Variants in TSPAN13 observed in about 807,000 individuals in gnomAD.
TSPAN13 encodes the protein tetraspanin 13.
TSPAN13 carries 18 observed loss-of-function variants against 26.9 expected under a neutral mutation model. That is an observed-to-expected ratio of 0.67 (90% confidence interval 0.46 to 0.99). TSPAN13 has a LOEUF of 0.99. Ranked by LOEUF, TSPAN13 falls within the 50% of genes least tolerant of loss-of-function variation. The pLI is 0.00. For synonymous variants in TSPAN13, 116 were observed against 98.4 expected (o/e 1.18, Z -1.06); for missense variants, 201 against 249.6 (o/e 0.81, Z 1.31).
intron 1 of TSPAN13, chr7:16,775,720 T>G (rs747347): frequency 0.41 from 62,948 of 152,340 alleles, 13,499 homozygotes; most frequent in African/African-American, 0.51. Flanking sequence ...CGTGTTCCAG[T>G]AACAGAGATC....
At chr7:16,759,309 G>A (rs1291143063) in intron 1 of TSPAN13, among the ~76,000 whole-genome samples, 1 of 152,128 alleles carries the variant, frequency 6.6e-6, no homozygotes, top group East Asian at 1.9e-4. Context: ...ATCTACTTCT[G>A]GTGAGGGCCC....
intron 1 of TSPAN13, among the ~76,000 whole-genome samples, chr7:16,773,172 G>GT (rs1562519952): frequency 1.3e-5 from 2 of 150,848 alleles, no homozygotes; most frequent in African/African-American, 4.9e-5. Flanking sequence ...CTTGGGGGGG[G>GT]GCGGTTAGCA....
In TSPAN13 at chr7:16,764,004, A is replaced by G. The variant is rs377006208; in HGVS notation, c.63+9974A>G. Among the ~76,000 whole-genome samples, 4 of 152,052 alleles carry G rather than the reference A, an allele frequency of 2.6e-5. No individual in the cohort carries two copies. The East Asian group carries it at 7.7e-4, about 29-fold the overall frequency. On this transcript the variant is annotated intron_variant, in intron 1 of 5. Transcript: ENST00000262067. ...AGATTATAAAGAACATTATGCATAT[A>G]TCTTTCTTTGTTCTTTATTTTTATT...
chr7:16,764,777 T>A (rs1784587335), intron 1 of TSPAN13, among the ~76,000 whole-genome samples: 1 of 152,118 alleles, frequency 6.6e-6, no homozygotes, highest in Non-Finnish European at 1.5e-5. Flanking sequence ...TAAAAATTTC[T>A]TAATTATTTT....
chr7:16,775,564 A>C (rs938704826), intron 1 of TSPAN13, among the ~76,000 whole-genome samples: 2 of 152,220 alleles, frequency 1.3e-5, no homozygotes, highest in Non-Finnish European at 2.9e-5. Flanking sequence ...GCAGTTTTTG[A>C]GTATTCCCCA....
chr7:16,759,539 T>G (rs994580475), intron 1 of TSPAN13, among the ~76,000 whole-genome samples: 5 of 152,082 alleles, frequency 3.3e-5, no homozygotes, highest in Admixed American at 2.0e-4. Flanking sequence ...GGGATTACAT[T>G]TCAACATGAG....
intron 1 of TSPAN13, among the ~76,000 whole-genome samples, chr7:16,768,202 C>A (rs973563887): frequency 3.3e-5 from 5 of 152,228 alleles, no homozygotes; most frequent in Non-Finnish European, 7.3e-5. Context: ...GCGTGAGCCA[C>A]CGCACCTGGC....
intron 1 of TSPAN13, among the ~76,000 whole-genome samples, chr7:16,763,999 C>T (rs1784578271): frequency 6.6e-6 from 1 of 152,036 alleles, no homozygotes; most frequent in Non-Finnish European, 1.5e-5. Flanking sequence ...GAACATTATG[C>T]ATATATCTTT....
At chr7:16,758,698 G>A (rs988190678) in intron 1 of TSPAN13, among the ~76,000 whole-genome samples, 1 of 151,966 alleles carries the variant, frequency 6.6e-6, no homozygotes, top group Non-Finnish European at 1.5e-5. Flanking sequence ...GTAATATTAA[G>A]TAGGAATTAC....
At chr7:16,768,846 T>A (rs1272816964) in intron 1 of TSPAN13, among the ~76,000 whole-genome samples, 1 of 152,200 alleles carries the variant, frequency 6.6e-6, no homozygotes, top group Non-Finnish European at 1.5e-5. Flanking sequence ...CTTTAACGAC[T>A]GAACCATTAA....
intron 5 of TSPAN13, among the ~76,000 whole-genome samples, chr7:16,780,257 A>G (rs893208046): frequency 1.3e-5 from 2 of 150,790 alleles, no homozygotes; most frequent in African/African-American, 4.9e-5. Context: ...GCACCACTAC[A>G]CCCAGCTAAT....
chr7:16,761,858 G>A (rs1771638000), intron 1 of TSPAN13, among the ~76,000 whole-genome samples: 1 of 151,896 alleles, frequency 6.6e-6, no homozygotes, highest in East Asian at 1.9e-4. Context: ...TTACATGTCT[G>A]TGGATGCTGT....
intron 5 of TSPAN13, 146 bp downstream of exon 5, chr7:16,779,262 T>A: frequency 1.7e-6 from 1 of 598,822 alleles, no homozygotes. Flanking sequence ...AATCAGAAGA[T>A]CTTACAAGTC....
At chr7:16,762,122 G>T (rs1319324502) in intron 1 of TSPAN13, among the ~76,000 whole-genome samples, 6 of 152,102 alleles carry the variant, frequency 3.9e-5, no homozygotes, top group Admixed American at 6.5e-5. Flanking sequence ...TTTTCATCTT[G>T]TTCTTGAAAT....
chr7:16,779,395 GTT>G (rs1191935077), intron 5 of TSPAN13, among the ~76,000 whole-genome samples: 3 of 152,076 alleles, frequency 2.0e-5, no homozygotes, highest in Non-Finnish European at 4.4e-5. Flanking sequence ...TATTTCTACA[GTT>G]GTGTGATGAA....
intron 5 of TSPAN13, 113 bp from the exon 6 acceptor site, chr7:16,783,304 C>G (rs1483859647): frequency 8.7e-6 from 9 of 1,039,038 alleles, no homozygotes; most frequent in Admixed American, 2.4e-5. Flanking sequence ...CCCCGTTGAA[C>G]AAAAGATGCA....
intron 1 of TSPAN13, among the ~76,000 whole-genome samples, chr7:16,766,001 A>G (rs1784599836): frequency 6.6e-6 from 1 of 152,210 alleles, no homozygotes; most frequent in African/African-American, 2.4e-5. Flanking sequence ...CATAACACAT[A>G]ATTATCACTA....
chr7:16,759,783 G>A (rs989466156), intron 1 of TSPAN13, among the ~76,000 whole-genome samples: 5 of 151,114 alleles, frequency 3.3e-5, no homozygotes, highest in African/African-American at 1.2e-4. Context: ...CTGTCTCCTG[G>A]GCTCAAGTGA....
At chr7:16,778,965 A>T (rs1163624617) in intron 4 of TSPAN13, 38 bp from the exon 5 acceptor site, 2 of 1,465,254 alleles carry the variant, frequency 1.4e-6, no homozygotes, top group African/African-American at 1.4e-5. Context: ...TTATAAATGT[A>T]TTTTGAAATA....
Sources: gnomAD v4.1 joint callset for allele counts (sites outside exome capture counted in the v4.1 genomes callset) on GRCh38, gnomAD v4.1.1 for gene constraint, MANE v1.5 for transcripts, NCBI Gene and HGNC (gene_info 2026-07-23, HGNC 2026-07-21) for gene names.